Variants in PRC1 observed in about 807,000 individuals in gnomAD.
PRC1 encodes protein regulator of cytokinesis 1.
A neutral mutation model predicts 91.2 loss-of-function variants in PRC1; 54 were observed. The observed-to-expected ratio is 0.59, with a 90% confidence interval of 0.48 to 0.74. PRC1 has a LOEUF of 0.74. PRC1 is among the 30% of genes least tolerant of loss of function. The probability of loss-of-function intolerance (pLI) is 0.00; values close to 1 mark genes in which losing one functional copy is unlikely to be tolerated. For missense variants in PRC1, 727 were observed against 746.2 expected (o/e 0.97, Z 0.30); for synonymous variants, 275 against 263.6 (o/e 1.04, Z -0.42).
At position 90,981,855 on chromosome 15, in the gene PRC1, A is replaced by G. The variant is rs775603430; in HGVS notation, c.394T>C (p.Cys132Arg). 40 of 1,614,096 alleles carry G rather than the reference A, an allele frequency of 2.5e-5. No homozygotes were observed. Among genetic ancestry groups the G allele is most frequent in the Non-Finnish European group, 3.3e-5 (39 of 1,180,044 alleles). The change falls in exon 4 of 15, where the codon TGC (cysteine) becomes CGC (arginine). Residue 132 changes from cysteine (C) to arginine (R), a missense_variant. Coordinates refer to ENST00000394249, the MANE Select transcript of PRC1 (RefSeq NM_003981.4). ...KLLQEQDQEL[C>R]EILCMPHYDI... Reference sequence around the variant, plus strand: ...TAGTGGGGCATACAAAGAATTTCGCACAGTTCTTGATCTTGCTCTTGAAGT... The same window carrying G: ...TAGTGGGGCATACAAAGAATTTCGCGCAGTTCTTGATCTTGCTCTTGAAGT...
In PRC1 at chr15:90,967,059, T is replaced by G. The variant is rs2037559324; in HGVS notation, c.*72A>C. Reference sequence around the variant, plus strand: ...AAGCACGCCTAAGCTGAAGAAAAACTAAAGTCACCCCCATATAATTAGGTC... The same window carrying G: ...AAGCACGCCTAAGCTGAAGAAAAACGAAAGTCACCCCCATATAATTAGGTC... On this transcript the variant is annotated 3_prime_UTR_variant, in exon 15 of 15. Coordinates refer to ENST00000394249, the MANE Select transcript of PRC1 (RefSeq NM_003981.4). The G allele has an allele frequency of 5.7e-6, 8 of 1,402,314 alleles. No homozygotes were observed. Among genetic ancestry groups the G allele is most frequent in the Non-Finnish European group, 7.0e-6 (7 of 993,988 alleles). The allele number at this position is 1,402,314 out of a possible 1,614,324, so 86.9% of individuals were successfully genotyped here.
rs59975379 is a variant in PRC1 at position 90,967,106 on chromosome 15, C to T, written c.*25G>A. The T allele has an allele frequency of 1.2e-6, 2 of 1,601,292 alleles. No homozygotes were observed. The highest frequency in any genetic ancestry group is 1.7e-6 in the Non-Finnish European group (2 of 1,168,380). The stretch of plus-strand genomic sequence containing the variant: ...GGTCCAGTCTAGGCACAGGAAGCCA[C>T]AGCTGGTTGACTGATCAGGGCTTCT... On this transcript the variant is annotated 3_prime_UTR_variant, in exon 15 of 15. Transcript: ENST00000394249.
chr15:90,976,139 A>T (rs1483218461), intron 9 of PRC1, among the ~76,000 whole-genome samples: 1 of 152,052 alleles, frequency 6.6e-6, no homozygotes, highest in Non-Finnish European at 1.5e-5. Flanking sequence ...CCCAGGCTGG[A>T]GTGCAGTGGC....
intron 7 of PRC1, 126 bp from the exon 8 acceptor site, chr15:90,979,420 CGTGT>C (rs140580110): frequency 8.2e-6 from 9 of 1,100,218 alleles, no homozygotes; most frequent in South Asian, 3.1e-5. Flanking sequence ...CAGGAAGAGG[CGTGT>C]GTGTGTGTGT....
chr15:90,988,811 A>G (rs966129616), intron 1 of PRC1, among the ~76,000 whole-genome samples: 3 of 152,098 alleles, frequency 2.0e-5, no homozygotes, highest in African/African-American at 7.2e-5. Flanking sequence ...GTAGTTGTTC[A>G]ATAGATATAA....
At chr15:90,990,383 AATAAATAATTTT>A (rs2039898659) in intron 1 of PRC1, among the ~76,000 whole-genome samples, 1 of 133,204 alleles carries the variant, frequency 7.5e-6, no homozygotes, top group South Asian at 2.4e-4. Flanking sequence ...TAAATAAATA[AATAAATAATTTT>A]TTTTTTTTTT....
chr15:90,969,713 T>C, intron 12 of PRC1, 90 bp from the exon 13 acceptor site: 1 of 911,312 alleles, frequency 1.1e-6, no homozygotes, highest in Non-Finnish European at 1.5e-6. Context: ...AGGCTGAGAC[T>C]ATCTTTATAT....
Position 90,974,547 on chromosome 15 carries a change from TTCG to T in PRC1, c.1350+35_1350+37del. ...ACTATGGGCTGCTCAGATTACTTTC[TTCG>T]TCTTTTCCCAATTTGCGTTCACGTT... On this transcript the variant is annotated intron_variant, in intron 10 of 14. Coordinates refer to ENST00000394249, the MANE Select transcript of PRC1 (RefSeq NM_003981.4). The surrounding 1 kb of genome is among the most constrained non-coding windows in gnomAD (Gnocchi z 4.6). 1 of 1,613,204 alleles carries T rather than the reference TTCG, an allele frequency of 6.2e-7. No individual in the cohort carries two copies.
rs750026250 is a variant in PRC1 at position 90,967,202 on chromosome 15, G to A, written c.1792C>T (p.Arg598Ter). 5.0e-6 allele frequency: 8 copies of A among 1,612,908 alleles called. No individual in the cohort carries two copies. The Admixed American group carries it at 5.0e-5, about 10-fold the overall frequency. Reference protein sequence around the residue: ...LSDSSTVGLQRELSKASKSDA... With the variant: ...LSDSSTVGLQ Reference sequence around the variant, plus strand: ...GATTTGGAAGCCTTTGAAAGTTCTCGCTGTTGAAAAATAAATAACATCAGT... The same window carrying A: ...GATTTGGAAGCCTTTGAAAGTTCTCACTGTTGAAAAATAAATAACATCAGT... The change falls in exon 15 of 15, where the codon CGA becomes TGA. Residue 598 changes from arginine (R) to a stop codon, truncating the protein, a stop_gained and splice_region_variant. Transcript: ENST00000394249. LOFTEE classifies it high-confidence loss of function.
intron 1 of PRC1, among the ~76,000 whole-genome samples, chr15:90,990,217 T>C (rs2151619634): frequency 6.6e-6 from 1 of 151,808 alleles, no homozygotes; most frequent in Non-Finnish European, 1.5e-5. Flanking sequence ...GCACCTGTAA[T>C]CTCAGCTACT....
intron 1 of PRC1, among the ~76,000 whole-genome samples, chr15:90,990,068 G>GTGGATCACTCCTGTAATCCC (rs2039871722): frequency 6.6e-6 from 1 of 152,076 alleles, no homozygotes; most frequent in South Asian, 2.1e-4. Flanking sequence ...GCCGGGTGCG[G>GTGGATCACTCCTGTAATCCC]TGGATCACTC....
In PRC1 at chr15:90,974,573, G is replaced by A. The variant is rs375051976; in HGVS notation, c.1350+12C>T. On this transcript the variant is annotated intron_variant, in intron 10 of 14. Transcript: ENST00000394249. This position sits in a 1 kb window ranked among gnomAD's most constrained non-coding sequence, Gnocchi z 4.6. Reference sequence around the variant, plus strand: ...TCGTCTTTTCCCAATTTGCGTTCACGTTCACACTTACTCTTTCCTGCTTGG... The same window carrying A: ...TCGTCTTTTCCCAATTTGCGTTCACATTCACACTTACTCTTTCCTGCTTGG... The A allele has an allele frequency of 5.6e-6, 9 of 1,613,942 alleles. No homozygotes were observed. In the African/African-American group the frequency reaches 6.7e-5, roughly 12 times the overall value.
In PRC1 at chr15:90,966,926, T is replaced by C; in HGVS notation, c.*205A>G. 1 of 591,018 alleles carries C rather than the reference T, an allele frequency of 1.7e-6. No individual in the cohort carries two copies. The highest frequency in any genetic ancestry group is 3.0e-6 in the Non-Finnish European group (1 of 332,508). The allele number at this position is 591,018 out of a possible 1,614,324, so 36.6% of individuals were successfully genotyped here. On this transcript the variant is annotated 3_prime_UTR_variant, in exon 15 of 15. Coordinates refer to ENST00000394249, the MANE Select transcript of PRC1 (RefSeq NM_003981.4). ...GCCATAAACTTTTCATGTATATAAG[T>C]CAAAACCAAGTCTCCTAGGACCACT...
chr15:90,968,152 G>C (rs911332040), intron 14 of PRC1: 2 of 985,442 alleles, frequency 2.0e-6, no homozygotes, highest in Admixed American at 6.1e-5. Context: ...CAGATAGGCA[G>C]GTACATTTAA....
chr15:90,989,213 G>C (rs1437194624), intron 1 of PRC1, among the ~76,000 whole-genome samples: 2 of 152,100 alleles, frequency 1.3e-5, no homozygotes, highest in African/African-American at 4.8e-5. Flanking sequence ...ATGCAAGACG[G>C]TACAGCCTCT....
rs1295136052 is a variant in PRC1 at position 90,994,517 on chromosome 15, A to G, written c.-100T>C. 2.5e-5 allele frequency: 35 copies of G among 1,424,416 alleles called. No individual in the cohort carries two copies. The highest frequency in any genetic ancestry group is 3.2e-5 in the Non-Finnish European group (34 of 1,074,552). 88.2% of individuals were successfully genotyped at this position (1,424,416 alleles called of 1,614,324 possible). ...AAACACCGGCGATGTCACTCCGCGT[A>G]GCCGCTCCGCGAGCCGTTGAGCCCC... On this transcript the variant is annotated 5_prime_UTR_variant, in exon 1 of 15. Transcript: ENST00000394249.
At position 90,974,866 on chromosome 15, in the gene PRC1, G is replaced by C; in HGVS notation, c.1204-135C>G. On this transcript the variant is annotated intron_variant, in intron 9 of 14. Transcript: ENST00000394249. This position sits in a 1 kb window ranked among gnomAD's most constrained non-coding sequence, Gnocchi z 4.6. ...CATTTCAGGTAGCTGGGCCCACATG[G>C]GTACAGGTCAGAGTGACCAGAAATC... 2 of 1,014,702 alleles carry C rather than the reference G, an allele frequency of 2.0e-6. No homozygotes were observed. The highest frequency in any genetic ancestry group is 3.0e-6 in the Non-Finnish European group (2 of 669,204). 62.9% of individuals were successfully genotyped at this position (1,014,702 alleles called of 1,614,324 possible). A position where few individuals can be genotyped will look rare whatever the true frequency, so the allele number is the denominator to read the frequency against.
intron 13 of PRC1, 145 bp downstream of exon 13, chr15:90,969,302 C>CCTG (rs2037839700): frequency 9.6e-6 from 12 of 1,247,290 alleles, no homozygotes; most frequent in Non-Finnish European, 1.3e-5. Flanking sequence ...TCACACCCAC[C>CCTG]CTGCCATGGT....
chr15:90,992,072 C>G (rs1047396360), intron 1 of PRC1, among the ~76,000 whole-genome samples: 2 of 152,176 alleles, frequency 1.3e-5, no homozygotes, highest in African/African-American at 4.8e-5. Context: ...TTTGCTGATT[C>G]CTCTACCTAG....
Sources: gnomAD v4.1 joint callset for allele counts (sites outside exome capture counted in the v4.1 genomes callset) on GRCh38, gnomAD v4.1.1 for gene constraint, Gnocchi (gnomAD v3.1) non-coding constraint, MANE v1.5 for transcripts, NCBI Gene and HGNC (gene_info 2026-07-23, HGNC 2026-07-21) for gene names.